The following SORCS1 variants were observed in gnomAD, a reference collection of about 807,000 sequenced individuals.
SORCS1 encodes the protein VPS10 domain-containing receptor SorCS1.
SORCS1 carries 60 observed loss-of-function variants against 146.1 expected under a neutral mutation model. The ratio of observed to expected loss-of-function variants is 0.41; its 90% CI spans 0.33 to 0.51. SORCS1 has a LOEUF of 0.51. Among genes scored for constraint, SORCS1 ranks in the 20% least tolerant of loss-of-function variants. SORCS1 has a pLI of 0.21. For synonymous variants in SORCS1, 637 were observed against 584.0 expected, an observed-to-expected ratio of 1.09 and a Z score of -1.31; for missense variants, 1,352 against 1,487.6, an observed-to-expected ratio of 0.91 and a Z score of 1.50.
chr10:106,818,369 A>AT (rs1252277188), intron 3 of SORCS1, among the ~76,000 whole-genome samples: 51,370 of 143,316 alleles, frequency 0.36, 8,955 homozygotes, highest in Non-Finnish European at 0.39. Flanking sequence ...GGTCATGAGG[A>AT]TTTTTTTTTT....
intron 1 of SORCS1, among the ~76,000 whole-genome samples, chr10:106,997,808 C>G (rs539848827): frequency 6.6e-6 from 1 of 152,182 alleles, no homozygotes; most frequent in Non-Finnish European, 1.5e-5. Context: ...CACTTCTCTC[C>G]AACACACTAA....
intron 2 of SORCS1, among the ~76,000 whole-genome samples, chr10:106,904,098 T>C (rs906049116): frequency 6.6e-6 from 1 of 152,234 alleles, no homozygotes; most frequent in Admixed American, 6.5e-5. Flanking sequence ...ACTGAAATCA[T>C]AGATATAATC....
At chr10:107,117,325 A>T (rs1966102388) in intron 1 of SORCS1, among the ~76,000 whole-genome samples, 1 of 152,212 alleles carries the variant, frequency 6.6e-6, no homozygotes, top group African/African-American at 2.4e-5. Context: ...TATATCTGAG[A>T]ACAGACATTA....
intron 2 of SORCS1, among the ~76,000 whole-genome samples, chr10:106,841,364 G>A (rs1949032343): frequency 6.6e-6 from 1 of 152,008 alleles, no homozygotes; most frequent in Non-Finnish European, 1.5e-5. Flanking sequence ...CAGCTACTCG[G>A]GAGGCTGAGG....
chr10:107,038,924 C>T (rs968811965), intron 1 of SORCS1, among the ~76,000 whole-genome samples: 1 of 151,712 alleles, frequency 6.6e-6, no homozygotes, highest in Non-Finnish European at 1.5e-5. Flanking sequence ...AGAGTTAATG[C>T]AAAATAAAGA....
At chr10:107,151,017 T>G (rs1968751551) in intron 1 of SORCS1, among the ~76,000 whole-genome samples, 1 of 152,162 alleles carries the variant, frequency 6.6e-6, no homozygotes, top group African/African-American at 2.4e-5. Context: ...GCTGTAAAGA[T>G]ACCCAAAAAT....
At chr10:107,077,886 G>T (rs1460085325) in intron 1 of SORCS1, among the ~76,000 whole-genome samples, 1 of 152,120 alleles carries the variant, frequency 6.6e-6, no homozygotes, top group Admixed American at 6.5e-5. Flanking sequence ...AGAAAGTTAG[G>T]CAAATGCTTA....
In SORCS1 at chr10:107,146,551, C is replaced by G. The variant is rs115244047; in HGVS notation, c.558+17418G>C. On this transcript the variant is annotated intron_variant, in intron 1 of 25. Transcript: ENST00000263054. Reference sequence around the variant, plus strand: ...GACTGGTTTTCATCATGAATAAATCCCCAGCACCTGGTGTATGTCAGGTAT... The same window carrying G: ...GACTGGTTTTCATCATGAATAAATCGCCAGCACCTGGTGTATGTCAGGTAT... Among the ~76,000 whole-genome samples, 845 of 152,112 alleles carry G rather than the reference C, an allele frequency of 5.6e-3. 9 individuals carry two copies. Among genetic ancestry groups the G allele is most frequent in the African/African-American group, 0.019 (797 of 41,468 alleles).
At chr10:106,754,025 G>C (rs573144037) in intron 5 of SORCS1, among the ~76,000 whole-genome samples, 228 of 152,190 alleles carry the variant, frequency 1.5e-3, no homozygotes, top group African/African-American at 5.4e-3. Context: ...CTGGATAATG[G>C]GTACCTCTTG....
At chr10:107,179,167 A>C in the SORCS1 span, among the ~76,000 whole-genome samples, 1 of 152,182 alleles carries the variant, frequency 6.6e-6, no homozygotes, top group Non-Finnish European at 1.5e-5. Flanking sequence ...TAACTGCAAT[A>C]AGATGATGTC....
At chr10:106,954,128 C>A (rs376651784) in intron 2 of SORCS1, among the ~76,000 whole-genome samples, 1 of 152,240 alleles carries the variant, frequency 6.6e-6, no homozygotes, top group East Asian at 1.9e-4. Context: ...CTAGGGCAAC[C>A]TGCTCCTCAG....
intron 3 of SORCS1, among the ~76,000 whole-genome samples, chr10:106,824,545 T>C (rs1239425841): frequency 1.3e-5 from 2 of 148,736 alleles, no homozygotes; most frequent in Non-Finnish European, 3.0e-5. Flanking sequence ...GCCGAGATTG[T>C]GCCACTGCAC....
intron 16 of SORCS1, among the ~76,000 whole-genome samples, chr10:106,670,696 A>ATTTT (rs563511704): frequency 7.6e-6 from 1 of 132,026 alleles, no homozygotes. Flanking sequence ...GAATCTGCCC[A>ATTTT]TTTTTTTTTT....
At chr10:107,157,317 G>A (rs1229008114) in intron 1 of SORCS1, among the ~76,000 whole-genome samples, 1 of 152,228 alleles carries the variant, frequency 6.6e-6, no homozygotes, top group East Asian at 1.9e-4. Flanking sequence ...CAAGCCAGCA[G>A]TGGGTCAAAC....
At chr10:106,664,576 A>C (rs932827645) in intron 17 of SORCS1, among the ~76,000 whole-genome samples, 1 of 152,162 alleles carries the variant, frequency 6.6e-6, no homozygotes, top group Admixed American at 6.5e-5. Flanking sequence ...TGGGAGGCGG[A>C]GGTTGCAGTG....
intron 2 of SORCS1, among the ~76,000 whole-genome samples, chr10:106,925,898 A>C (rs1336835160): frequency 1.3e-5 from 2 of 152,244 alleles, no homozygotes; most frequent in African/African-American, 4.8e-5. Flanking sequence ...TGGGCTCTCT[A>C]AAACAGTTCT....
At chr10:106,983,550 A>G (rs190945757) in intron 1 of SORCS1, among the ~76,000 whole-genome samples, 405 of 152,238 alleles carry the variant, frequency 2.7e-3, no homozygotes, top group Non-Finnish European at 4.2e-3. Context: ...AGAGTCAGCT[A>G]TCTAAGTAAG....
chr10:106,708,444 C>T (rs1005259601), intron 7 of SORCS1, among the ~76,000 whole-genome samples: 6 of 152,022 alleles, frequency 3.9e-5, no homozygotes, highest in East Asian at 1.9e-4. Flanking sequence ...TTTATATATA[C>T]GTATAAGCTA....
chr10:106,996,954 T>G (rs1410203162), intron 1 of SORCS1, among the ~76,000 whole-genome samples: 1 of 152,128 alleles, frequency 6.6e-6, no homozygotes, highest in Non-Finnish European at 1.5e-5. Context: ...CAATTTCCAT[T>G]GCTATTTTTT....
Sources: allele counts gnomAD v4.1 joint callset (sites outside exome capture counted in the v4.1 genomes callset), GRCh38; gene constraint gnomAD v4.1.1; transcripts MANE v1.5; gene names NCBI Gene and HGNC (gene_info 2026-07-23, HGNC 2026-07-21).